Variants in SH2D4B observed in about 807,000 individuals in gnomAD.
SH2D4B encodes the protein SH2 domain-containing protein 4B.
A neutral mutation model predicts 61.5 loss-of-function variants in SH2D4B; 45 were observed. That is an observed-to-expected ratio of 0.73 (90% confidence interval 0.58 to 0.94). SH2D4B has a LOEUF of 0.94. Among genes scored for constraint, SH2D4B ranks in the 40% least tolerant of loss-of-function variants. The pLI is 0.00. For missense variants in SH2D4B, 572 were observed against 574.2 expected, an observed-to-expected ratio of 1.00 and a Z score of 0.04; for synonymous variants, 224 against 220.4, an observed-to-expected ratio of 1.02 and a Z score of -0.14.
intron 3 of SH2D4B, among the ~76,000 whole-genome samples, chr10:80,572,996 T>A (rs1157674844): frequency 8.6e-4 from 46 of 53,512 alleles, no homozygotes; most frequent in East Asian, 1.9e-3. Context: ...ATTTTTTTTT[T>A]TTTTTTTTTT....
intron 6 of SH2D4B, among the ~76,000 whole-genome samples, chr10:80,627,084 C>T (rs941149289): frequency 6.6e-6 from 1 of 152,116 alleles, no homozygotes; most frequent in Non-Finnish European, 1.5e-5. Context: ...CTCACAGGAG[C>T]CTGAGTGTGT....
At chr10:80,555,564 G>A (rs982585824) in intron 1 of SH2D4B, among the ~76,000 whole-genome samples, 1 of 152,124 alleles carries the variant, frequency 6.6e-6, no homozygotes, top group Non-Finnish European at 1.5e-5. Context: ...AGTCTGATTG[G>A]TCTAGCTCTG....
Position 80,562,028 on chromosome 10 carries a change from TACACAC to T in SH2D4B, c.185-8096_185-8091del, listed in dbSNP as rs150356380. On this transcript the variant is annotated intron_variant, in intron 1 of 7. Transcript: ENST00000646907. Reference sequence around the variant, plus strand: ...AAGCAAGGCCACTCACTCTTCCAATTACACACACACACACACACACACACACACACA... The same window carrying T: ...AAGCAAGGCCACTCACTCTTCCAATTACACACACACACACACACACACACA... Among the ~76,000 whole-genome samples, 954 of 144,416 alleles carry T rather than the reference TACACAC, an allele frequency of 6.6e-3. 6 individuals carry two copies. Among genetic ancestry groups the T allele is most frequent in the African/African-American group, 0.018 (701 of 39,222 alleles). The allele number at this position is 144,416 out of a possible 152,430, so 94.7% of individuals were successfully genotyped here.
chr10:80,623,326 G>A (rs921701724), intron 6 of SH2D4B, among the ~76,000 whole-genome samples: 15 of 152,172 alleles, frequency 9.9e-5, no homozygotes, highest in African/African-American at 3.4e-4. Context: ...CTCAGTCCTC[G>A]CTTTGAAGAT....
At chr10:80,609,715 C>T (rs1041932881) in intron 6 of SH2D4B, among the ~76,000 whole-genome samples, 164 bp downstream of exon 6, 4 of 152,198 alleles carry the variant, frequency 2.6e-5, no homozygotes, top group African/African-American at 9.7e-5. Context: ...GCTGCAGGCC[C>T]CAGGGATGCT....
intron 1 of SH2D4B, among the ~76,000 whole-genome samples, chr10:80,562,894 C>CTTTTTTTTTTTTTTTTTTTTTTTTTTT (rs34539206): frequency 1.3e-5 from 1 of 74,696 alleles, no homozygotes; most frequent in Non-Finnish European, 2.4e-5. Flanking sequence ...AACATTTTTT[C>CTTTTTTTTTTTTTTTTTTTTTTTTTTT]TTTTTTTTTT....
intron 3 of SH2D4B, among the ~76,000 whole-genome samples, chr10:80,579,214 C>T (rs1209202276): frequency 1.3e-5 from 2 of 151,970 alleles, no homozygotes; most frequent in South Asian, 4.2e-4. Context: ...GCTAATTCTC[C>T]AGGTCATGGA....
At chr10:80,571,994 G>C (rs1842053236) in intron 3 of SH2D4B, among the ~76,000 whole-genome samples, 1 of 151,930 alleles carries the variant, frequency 6.6e-6, no homozygotes, top group African/African-American at 2.4e-5. Flanking sequence ...GGATGGTCTT[G>C]ATCTCCTGAC....
At chr10:80,607,043 G>A (rs1471317923) in intron 5 of SH2D4B, among the ~76,000 whole-genome samples, 1 of 152,174 alleles carries the variant, frequency 6.6e-6, no homozygotes, top group Non-Finnish European at 1.5e-5. Flanking sequence ...AGTGAAAACT[G>A]TCTAATTTAT....
chr10:80,625,865 T>C (rs1215791870), intron 6 of SH2D4B, among the ~76,000 whole-genome samples: 1 of 152,172 alleles, frequency 6.6e-6, no homozygotes, highest in African/African-American at 2.4e-5. Context: ...TGAGCCACCA[T>C]GCCTGGCCTG....
At chr10:80,550,928 G>A (rs573813513) in intron 1 of SH2D4B, among the ~76,000 whole-genome samples, 91 of 152,210 alleles carry the variant, frequency 6.0e-4, no homozygotes, top group African/African-American at 2.1e-3. Flanking sequence ...CACAAAAAAA[G>A]GAGAAACAAA....
At chr10:80,579,463 C>G (rs1842164929) in intron 3 of SH2D4B, among the ~76,000 whole-genome samples, 1 of 152,098 alleles carries the variant, frequency 6.6e-6, no homozygotes. Flanking sequence ...TTTCTTAACT[C>G]CTAAAATTGC....
intron 1 of SH2D4B, among the ~76,000 whole-genome samples, chr10:80,543,824 ACT>A (rs1203954628): frequency 1.3e-5 from 2 of 151,608 alleles, no homozygotes; most frequent in Non-Finnish European, 2.9e-5. Context: ...ACCAATGGAC[ACT>A]CTGTATCTAG....
chr10:80,609,593 A>G, intron 6 of SH2D4B, 42 bp downstream of exon 6: 1 of 1,612,690 alleles, frequency 6.2e-7, no homozygotes, highest in Non-Finnish European at 8.5e-7. Context: ...TGATTTCCAC[A>G]TCTTTGCCTC....
In SH2D4B at chr10:80,611,881, G is replaced by T. The variant is rs574904905; in HGVS notation, c.988+2330G>T. ...ATTTATGTAGCTAATTTCATGTTCT[G>T]ACAGTTCTACCATAAAGCATGCAGA... On this transcript the variant is annotated intron_variant, in intron 6 of 7. Transcript: ENST00000646907. Among the ~76,000 whole-genome samples, 277 of 131,148 alleles carry T rather than the reference G, an allele frequency of 2.1e-3. 1 individual carries two copies. Among genetic ancestry groups the T allele is most frequent in the African/African-American group, 8.2e-3 (272 of 33,372 alleles). 86.0% of individuals were successfully genotyped at this position (131,148 alleles called of 152,430 possible).
chr10:80,639,909 T>G (rs939237480), intron 7 of SH2D4B, among the ~76,000 whole-genome samples: 5 of 152,226 alleles, frequency 3.3e-5, no homozygotes, highest in Non-Finnish European at 4.4e-5. Context: ...TAGGGATGTT[T>G]TTGCAGTGGT....
In SH2D4B at chr10:80,570,177, T is replaced by C; in HGVS notation, c.208T>C (p.Trp70Arg). The C allele has an allele frequency of 6.2e-7, 1 of 1,614,112 alleles. No individual in the cohort carries two copies. Among genetic ancestry groups the C allele is most frequent in the Non-Finnish European group, 8.5e-7 (1 of 1,180,004 alleles). The change falls in exon 2 of 8, where the codon TGG (tryptophan) becomes CGG (arginine). Residue 70 changes from tryptophan to arginine, a missense_variant. Transcript: ENST00000646907. Reference protein sequence around the residue: ...KRAASDKHIQWLLGADGEVWV... With the variant: ...KRAASDKHIQRLLGADGEVWV... ...AGCAGCGAGTGACAAGCACATCCAATGGCTCCTAGGGGCAGATGGCGAGGT... is the reference window on the plus strand; with the variant it reads ...AGCAGCGAGTGACAAGCACATCCAACGGCTCCTAGGGGCAGATGGCGAGGT...
intron 4 of SH2D4B, among the ~76,000 whole-genome samples, chr10:80,601,968 A>G (rs987937383): frequency 3.9e-5 from 6 of 152,180 alleles, no homozygotes; most frequent in Non-Finnish European, 8.8e-5. Context: ...AAATAGTTGG[A>G]TTTTAGAGGC....
At position 80,641,455 on chromosome 10, in the gene SH2D4B, C is replaced by G. The variant is rs530382957; in HGVS notation, c.1210-2538C>G. 3.9e-5 allele frequency among the ~76,000 whole-genome samples: 6 copies of G among 151,944 alleles called. No individual in the cohort carries two copies. In the East Asian group the frequency reaches 1.2e-3, roughly 29 times the overall value. On this transcript the variant is annotated intron_variant, in intron 7 of 7. Coordinates refer to ENST00000646907, the MANE Select transcript of SH2D4B (RefSeq NM_001388272.1). ...GAGCTGTGGTGGGCTCCACCCAGTT[C>G]GAGCTTCCCCATCCACTTTGTTTAC...
Sources: gnomAD v4.1 joint callset for allele counts (sites outside exome capture counted in the v4.1 genomes callset) on GRCh38, gnomAD v4.1.1 for gene constraint, MANE v1.5 for transcripts, NCBI Gene and HGNC (gene_info 2026-07-23, HGNC 2026-07-21) for gene names.